The following NAMPT variants were observed in gnomAD, a reference collection of about 807,000 sequenced individuals.
NAMPT encodes nicotinamide phosphoribosyltransferase.
Under a neutral mutation model 58.7 loss-of-function variants are expected in NAMPT, and 7 were observed. The observed-to-expected ratio is 0.12, with a 90% CI of 0.07 to 0.22. The LOEUF (loss-of-function observed/expected upper bound fraction) is 0.22, where lower values mean the gene tolerates loss of function less well. Ranked by LOEUF, NAMPT falls within the 10% of genes least tolerant of loss-of-function variation. The pLI, the probability that NAMPT is intolerant of heterozygous loss-of-function variation, is 1.00. For synonymous variants in NAMPT, 145 were observed against 198.1 expected (o/e 0.73, Z 2.25); for missense variants, 271 against 567.9 (o/e 0.48, Z 5.31).
intron 3 of NAMPT, among the ~76,000 whole-genome samples, chr7:106,273,109 A>AAG (rs1792568690): frequency 6.6e-6 from 1 of 152,228 alleles, no homozygotes; most frequent in Admixed American, 6.5e-5. Context: ...TAAAGAACAA[A>AAG]AGAAAACAAA....
At chr7:106,270,310 G>T in intron 4 of NAMPT, 1 of 417,960 alleles carries the variant, frequency 2.4e-6, no homozygotes, top group Non-Finnish European at 5.0e-6. Flanking sequence ...AAAAAGAGCT[G>T]CTAAGATGAT....
At chr7:106,269,384 T>A in intron 4 of NAMPT, 72 bp from the exon 5 acceptor site, 2 of 1,062,108 alleles carry the variant, frequency 1.9e-6, no homozygotes, top group Non-Finnish European at 2.6e-6. Context: ...AATCCTAGCT[T>A]TTTTTTTTTT....
At chr7:106,269,565 A>G (rs1427634680) in intron 4 of NAMPT, among the ~76,000 whole-genome samples, 1 of 152,210 alleles carries the variant, frequency 6.6e-6, no homozygotes, top group Non-Finnish European at 1.5e-5. Flanking sequence ...TCAAGTTTCT[A>G]TCCAAAGCTT....
intron 4 of NAMPT, chr7:106,272,014 C>A: frequency 3.6e-6 from 1 of 278,148 alleles, no homozygotes; most frequent in Non-Finnish European, 7.5e-6. Context: ...CAAAATGTAC[C>A]CTTCCTGAGA....
In NAMPT at chr7:106,277,141, T is replaced by G. The variant is rs1445647233; in HGVS notation, c.96A>C (p.Lys32Asn). 2 of 1,611,988 alleles carry G rather than the reference T, an allele frequency of 1.2e-6. No homozygotes were observed. The highest frequency in any genetic ancestry group is 1.7e-6 in the Non-Finnish European group (2 of 1,178,502). Residue 32 changes from lysine (K) to asparagine (N), a missense_variant, in exon 2 of 11, where the codon AAA (lysine) becomes AAC (asparagine). By Grantham distance (94) the Lys-to-Asn change is moderately conservative. This residue lies in a region of NAMPT where 103 missense variants were observed against 194.2 expected (regional missense o/e 0.53). Transcript: ENST00000222553. ...HYKQYPPNTSKVYSYFECREK... is the reference protein window; with the variant it reads ...HYKQYPPNTSNVYSYFECREK... ...CACGGCATTCAAAGTAGGAATAAAC[T>G]TTGCTTGTGTTGGGTGGATATTGTT... is the stretch of plus-strand genomic sequence containing the variant.
chr7:106,253,065 A>C lies in NAMPT; in HGVS notation c.1317T>G (p.Asn439Lys). ...CTTTTCCTTCCTCCAGTGTAACAAA[A>C]TTCCCTGCTGGCGTCCTATGTAAAG... is the stretch of plus-strand genomic sequence containing the variant. ...RLSLHRTPAG[N>K]FVTLEEGKGD... The change falls in exon 10 of 11, where the codon AAT becomes AAG. Residue 439 changes from asparagine (N) to lysine (K), a missense_variant. Around this residue, in one of 4 missense-constraint regions of NAMPT, gnomAD observed 143 missense variants for 331.1 expected, o/e 0.43. Coordinates refer to ENST00000222553, the MANE Select transcript of NAMPT (RefSeq NM_005746.3). 1 of 1,613,414 alleles carries C rather than the reference A, an allele frequency of 6.2e-7. No individual in the cohort carries two copies. Among genetic ancestry groups the C allele is most frequent in the Non-Finnish European group, 8.5e-7 (1 of 1,179,484 alleles).
At chr7:106,264,789 T>C (rs1012826883) in intron 6 of NAMPT, among the ~76,000 whole-genome samples, 8 of 152,118 alleles carry the variant, frequency 5.3e-5, no homozygotes, top group Non-Finnish European at 1.0e-4. Context: ...CATTCATTTA[T>C]TATAAAGCCC....
At chr7:106,266,833 A>G (rs983637286) in intron 6 of NAMPT, among the ~76,000 whole-genome samples, 1 of 152,220 alleles carries the variant, frequency 6.6e-6, no homozygotes, top group African/African-American at 2.4e-5. Flanking sequence ...TTGCTCAAAA[A>G]TGTCAGTGCC....
chr7:106,274,451 A>G (rs183758883), intron 3 of NAMPT, among the ~76,000 whole-genome samples: 1,532 of 152,194 alleles, frequency 0.01, 13 homozygotes, highest in Middle Eastern at 0.031. Context: ...ACTTTTCAAA[A>G]GGATATATTG....
chr7:106,285,172 G>A, upstream of NAMPT: 1 of 1,235,160 alleles, frequency 8.1e-7, no homozygotes, highest in African/African-American at 1.6e-5. Context: ...CGGGGGCCGA[G>A]AAAGGGCGGG....
chr7:106,260,219 T>C (rs1490246504), intron 8 of NAMPT, among the ~76,000 whole-genome samples: 3 of 152,240 alleles, frequency 2.0e-5, no homozygotes, highest in Non-Finnish European at 4.4e-5. Context: ...TTTAGTCACC[T>C]GCATCAATGA....
chr7:106,285,127 C>G, upstream of NAMPT: 1 of 1,305,560 alleles, frequency 7.7e-7, no homozygotes, highest in Non-Finnish European at 9.8e-7. Flanking sequence ...GCGGACTCCC[C>G]ACCTCGGTTC....
At chr7:106,264,400 T>C (rs1792370500) in intron 6 of NAMPT, among the ~76,000 whole-genome samples, 2 of 152,122 alleles carry the variant, frequency 1.3e-5, no homozygotes, top group South Asian at 4.1e-4. Flanking sequence ...TATGTAATTA[T>C]AGATTGGGTA....
chr7:106,282,568 T>G (rs896528786), intron 1 of NAMPT, among the ~76,000 whole-genome samples: 7 of 152,222 alleles, frequency 4.6e-5, no homozygotes, highest in Non-Finnish European at 1.0e-4. Flanking sequence ...TTCCTTACTA[T>G]ATACAATAAA....
chr7:106,277,429 G>A (rs1175269236), intron 1 of NAMPT, among the ~76,000 whole-genome samples: 3 of 152,164 alleles, frequency 2.0e-5, no homozygotes, highest in African/African-American at 7.2e-5. Context: ...AGGCCTCTAG[G>A]TTGGAAAAGT....
At chr7:106,270,742 C>G (rs1365433941) in intron 4 of NAMPT, among the ~76,000 whole-genome samples, 1 of 152,154 alleles carries the variant, frequency 6.6e-6, no homozygotes, top group African/African-American at 2.4e-5. Flanking sequence ...TGACCTGAGG[C>G]CCCAGACATG....
At chr7:106,254,157 T>C (rs1000506611) in intron 9 of NAMPT, among the ~76,000 whole-genome samples, 7 of 152,302 alleles carry the variant, frequency 4.6e-5, no homozygotes, top group African/African-American at 1.7e-4. Context: ...CTTATTGTTC[T>C]TCCTTTTTCC....
At chr7:106,259,820 C>G (rs992398978) in intron 8 of NAMPT, among the ~76,000 whole-genome samples, 3 of 151,806 alleles carry the variant, frequency 2.0e-5, no homozygotes, top group Admixed American at 6.6e-5. Context: ...CAACATTAAC[C>G]TCTTTGTACA....
chr7:106,277,027 T>A lies in NAMPT; in HGVS notation c.210A>T (p.Leu70Phe). Residue 70 changes from leucine to phenylalanine, a missense_variant, in exon 2 of 11, where the codon TTA (leucine) becomes TTT (phenylalanine). Transcript: ENST00000222553. ...YGLQYILNKYLKGKVVTKEKI... is the reference protein window; with the variant it reads ...YGLQYILNKYFKGKVVTKEKI... ...ATATACTAGGAAAAGTAATACCTTTTAAGTACTTATTAAGAATGTACTGCA... is the reference window on the plus strand; with the variant it reads ...ATATACTAGGAAAAGTAATACCTTTAAAGTACTTATTAAGAATGTACTGCA... 6.3e-7 allele frequency: 1 copy of A among 1,575,124 alleles called. No homozygotes were observed. The highest frequency in any genetic ancestry group is 8.7e-7 in the Non-Finnish European group (1 of 1,144,730).
Sources: allele counts gnomAD v4.1 joint callset (sites outside exome capture counted in the v4.1 genomes callset), GRCh38; gene constraint gnomAD v4.1.1; regional missense constraint gnomAD v4.1.1; transcripts MANE v1.5; gene names NCBI Gene and HGNC (gene_info 2026-07-23, HGNC 2026-07-21).